Variants in UHRF2 observed in about 807,000 individuals in gnomAD.
The protein encoded by UHRF2 is E3 ubiquitin-protein ligase UHRF2.
Under a neutral mutation model 96.8 loss-of-function variants are expected in UHRF2, and 23 were observed. The observed-to-expected ratio is 0.24, with a 90% confidence interval of 0.17 to 0.34. The LOEUF is 0.34. UHRF2 is among the 10% of genes least tolerant of loss of function. UHRF2 has a pLI of 1.00. For synonymous variants in UHRF2, 385 were observed against 332.6 expected (o/e 1.16, Z -1.72); for missense variants, 685 against 981.5 (o/e 0.70, Z 4.04).
At chr9:6,438,510 T>C (rs1268181732) in intron 3 of UHRF2, among the ~76,000 whole-genome samples, 1 of 152,228 alleles carries the variant, frequency 6.6e-6, no homozygotes, top group East Asian at 1.9e-4. Flanking sequence ...GAACTACTTT[T>C]TCATTTTTCT....
In UHRF2 at chr9:6,421,046, A is replaced by G. The variant is rs1477336773; in HGVS notation, c.288A>G (p.Pro96=). 6.2e-7 allele frequency: 1 copy of G among 1,614,188 alleles called. No homozygotes were observed. Among genetic ancestry groups the G allele is most frequent in the Non-Finnish European group, 8.5e-7 (1 of 1,180,028 alleles). The change falls in exon 2 of 16, where the codon CCA becomes CCG. Residue 96 remains proline, a synonymous_variant. Transcript: ENST00000276893. ...AGGCTAAACCCTGTTCTAATAGTCC[A>G]CCTAAAGTAAAGAAAGCTCCGAGGG... The part of the protein sequence containing the change: ...QIEAKPCSNS[P]PKVKKAPRVG...
intron 3 of UHRF2, among the ~76,000 whole-genome samples, chr9:6,456,983 C>G (rs1053973881): frequency 1.3e-5 from 2 of 152,142 alleles, no homozygotes; most frequent in African/African-American, 4.8e-5. Flanking sequence ...ATAGTCTTGG[C>G]TATACGGGCT....
chr9:6,466,821 C>G (rs532331310), intron 4 of UHRF2, among the ~76,000 whole-genome samples: 2 of 152,326 alleles, frequency 1.3e-5, no homozygotes, highest in African/African-American at 4.8e-5. Context: ...TTGATGTTCC[C>G]TCCTACACAG....
At chr9:6,421,283 CTT>C (rs1819914844) in intron 2 of UHRF2, 141 bp downstream of exon 2, 2 of 687,304 alleles carry the variant, frequency 2.9e-6, no homozygotes. Context: ...TAAAAGTAGT[CTT>C]TTAAAAATTG....
chr9:6,458,139 A>G (rs1463295031), intron 3 of UHRF2, among the ~76,000 whole-genome samples: 2 of 152,056 alleles, frequency 1.3e-5, no homozygotes, highest in African/African-American at 4.8e-5. Context: ...GTCTAGTCCT[A>G]GGCTTTTTTT....
At chr9:6,415,491 C>T (rs921741984) in intron 1 of UHRF2, 2 of 152,196 alleles carry the variant, frequency 1.3e-5, no homozygotes, top group Admixed American at 6.5e-5. Context: ...TTCGTGGTCT[C>T]TGGAGCTCCA....
chr9:6,467,672 C>G (rs980890964), intron 4 of UHRF2, among the ~76,000 whole-genome samples: 1 of 140,512 alleles, frequency 7.1e-6, no homozygotes, highest in Non-Finnish European at 1.5e-5. Context: ...GTTGGGCTGA[C>G]AGAAGTTGAA....
At chr9:6,477,517 A>G (rs1326269355) in intron 5 of UHRF2, 105 bp from the exon 6 acceptor site, 26 of 1,120,800 alleles carry the variant, frequency 2.3e-5, no homozygotes, top group Non-Finnish European at 3.2e-5. Context: ...CAAGAGCAAA[A>G]CTCCATTTCA....
intron 1 of UHRF2, among the ~76,000 whole-genome samples, chr9:6,418,820 G>T (rs1819757961): frequency 1.3e-5 from 2 of 152,298 alleles, no homozygotes; most frequent in South Asian, 4.1e-4. Flanking sequence ...AAACCTGGGT[G>T]GCTTAAAACA....
At chr9:6,413,905 G>C (rs1172408427) in intron 1 of UHRF2, 2 of 347,982 alleles carry the variant, frequency 5.7e-6, no homozygotes, top group Non-Finnish European at 1.0e-5. Context: ...CTCGCCGTTT[G>C]TATTTGGTAG....
intron 10 of UHRF2, chr9:6,495,674 G>A (rs1824922426): frequency 6.6e-6 from 1 of 152,164 alleles, no homozygotes; most frequent in South Asian, 2.1e-4. Flanking sequence ...TGGCTGAGTG[G>A]CAGATAGATT....
At chr9:6,429,246 A>C (rs569135320) in intron 2 of UHRF2, among the ~76,000 whole-genome samples, 8 of 152,230 alleles carry the variant, frequency 5.3e-5, no homozygotes, top group African/African-American at 1.9e-4. Context: ...CTTAACTCCC[A>C]CATTTTTTAC....
chr9:6,437,944 C>G (rs764997859), intron 3 of UHRF2, among the ~76,000 whole-genome samples: 3 of 152,168 alleles, frequency 2.0e-5, no homozygotes, highest in Admixed American at 6.5e-5. Context: ...CTAGTACAAA[C>G]CAGATGATGC....
chr9:6,503,475 T>G (rs922764479), intron 14 of UHRF2, among the ~76,000 whole-genome samples: 3 of 152,100 alleles, frequency 2.0e-5, no homozygotes, highest in African/African-American at 7.2e-5. Context: ...GGGTATCCAT[T>G]TGATCATGTT....
Position 6,506,354 on chromosome 9 carries a change from G to C in UHRF2, c.*175G>C. On this transcript the variant is annotated 3_prime_UTR_variant, in exon 16 of 16. Coordinates refer to ENST00000276893, the MANE Select transcript of UHRF2 (RefSeq NM_152896.3). ...GTAGTAAGAGGCCCATTTCTCAACTGTCTTTTAAATATCTAAAGGTAGTTC... is the reference window on the plus strand; with the variant it reads ...GTAGTAAGAGGCCCATTTCTCAACTCTCTTTTAAATATCTAAAGGTAGTTC... 1 of 751,266 alleles carries C rather than the reference G, an allele frequency of 1.3e-6. No individual in the cohort carries two copies. The highest frequency in any genetic ancestry group is 2.9e-5 in the East Asian group (1 of 34,088). The allele number at this position is 751,266 out of a possible 1,614,324, so 46.5% of individuals were successfully genotyped here.
At chr9:6,459,379 A>T (rs1455682654) in intron 3 of UHRF2, among the ~76,000 whole-genome samples, 6 of 152,152 alleles carry the variant, frequency 3.9e-5, no homozygotes, top group African/African-American at 1.4e-4. Context: ...GTTAAAACTT[A>T]AACTTGGGGC....
intron 3 of UHRF2, among the ~76,000 whole-genome samples, chr9:6,434,836 G>A (rs1820747536): frequency 6.6e-6 from 1 of 152,062 alleles, no homozygotes; most frequent in Admixed American, 6.5e-5. Flanking sequence ...ATATGTGTAT[G>A]TTTTGGGGGG....
chr9:6,457,085 A>C (rs184509496), intron 3 of UHRF2, among the ~76,000 whole-genome samples: 1 of 152,316 alleles, frequency 6.6e-6, no homozygotes, highest in Admixed American at 6.5e-5. Context: ...TTGAATCTAT[A>C]AATTACTTTG....
intron 4 of UHRF2, among the ~76,000 whole-genome samples, chr9:6,462,459 C>T (rs969051541): frequency 6.6e-6 from 1 of 152,272 alleles, no homozygotes; most frequent in South Asian, 2.1e-4. Flanking sequence ...TTCTAAACAA[C>T]TTGAAACCCT....
Sources: allele counts gnomAD v4.1 joint callset (sites outside exome capture counted in the v4.1 genomes callset), GRCh38; gene constraint gnomAD v4.1.1; transcripts MANE v1.5; gene names NCBI Gene and HGNC (gene_info 2026-07-23, HGNC 2026-07-21).